Variants in SPEF2 observed in about 807,000 individuals in gnomAD.
SPEF2 encodes sperm flagella and cilia-associated protein 2.
In SPEF2, 187 loss-of-function variants were observed where a neutral mutation model predicts 224.6. The observed-to-expected ratio is 0.83, with a 90% CI of 0.74 to 0.94. The LOEUF (loss-of-function observed/expected upper bound fraction) is 0.94. SPEF2 is among the 40% of genes least tolerant of loss of function. SPEF2 has a pLI of 0.00. For missense variants in SPEF2, 2,170 were observed against 2,135.6 expected (o/e 1.02, Z -0.32); for synonymous variants, 715 against 707.3 (o/e 1.01, Z -0.17).
At chr5:35,683,201 C>T (rs1159216792) in intron 10 of SPEF2, among the ~76,000 whole-genome samples, 1 of 152,100 alleles carries the variant, frequency 6.6e-6, no homozygotes, top group Non-Finnish European at 1.5e-5. Flanking sequence ...TGCTTTGGAT[C>T]CAGGCTAGAC....
At chr5:35,666,378 G>C (rs1750461229) in intron 8 of SPEF2, among the ~76,000 whole-genome samples, 1 of 152,134 alleles carries the variant, frequency 6.6e-6, no homozygotes, top group Non-Finnish European at 1.5e-5. Flanking sequence ...CTTGTGTGAA[G>C]AAAAGATTCC....
intron 20 of SPEF2, among the ~76,000 whole-genome samples, chr5:35,720,289 C>G (rs1370564101): frequency 2.0e-5 from 3 of 152,132 alleles, no homozygotes; most frequent in Non-Finnish European, 2.9e-5. Flanking sequence ...TTCCTTGACT[C>G]TGAAAAACAA....
chr5:35,649,834 G>C (rs1433822274), intron 6 of SPEF2, among the ~76,000 whole-genome samples: 1 of 152,192 alleles, frequency 6.6e-6, no homozygotes, highest in Non-Finnish European at 1.5e-5. Context: ...AAGAAGTTGA[G>C]TGAATGAGTT....
chr5:35,670,024 C>G (rs765525729), intron 9 of SPEF2, 35 bp from the exon 10 acceptor site: 6 of 1,496,320 alleles, frequency 4.0e-6, no homozygotes, highest in East Asian at 2.3e-5. Context: ...TTTGACTAAC[C>G]ATTGATTCAT....
chr5:35,697,098 C>T (rs377571221), intron 14 of SPEF2, among the ~76,000 whole-genome samples: 20 of 152,284 alleles, frequency 1.3e-4, no homozygotes, highest in African/African-American at 4.6e-4. Context: ...TACCATTTGA[C>T]ATAAAATTCT....
chr5:35,682,258 A>T (rs946370550), intron 10 of SPEF2, among the ~76,000 whole-genome samples: 6 of 152,136 alleles, frequency 3.9e-5, no homozygotes, highest in African/African-American at 1.4e-4. Context: ...AATGTCTTGA[A>T]GTCAGTTTGT....
intron 20 of SPEF2, 56 bp downstream of exon 20, chr5:35,712,942 T>G (rs771555443): frequency 2.7e-6 from 4 of 1,472,678 alleles, no homozygotes; most frequent in Non-Finnish European, 3.7e-6. Flanking sequence ...TATAACTATC[T>G]CAGTGAAAAT....
intron 26 of SPEF2, 76 bp from the exon 27 acceptor site, chr5:35,771,533 A>T: frequency 6.6e-7 from 1 of 1,523,880 alleles, no homozygotes. Context: ...AACAGAATTT[A>T]GTAATGACTA....
chr5:35,722,398 G>T (rs571327900), intron 20 of SPEF2, among the ~76,000 whole-genome samples: 70 of 151,834 alleles, frequency 4.6e-4, no homozygotes, highest in African/African-American at 1.7e-3. Flanking sequence ...TTGGGGACTT[G>T]GTTTCCCCCA....
chr5:35,775,852 G>A (rs558786882), intron 28 of SPEF2, among the ~76,000 whole-genome samples: 28 of 152,216 alleles, frequency 1.8e-4, no homozygotes, highest in African/African-American at 6.5e-4. Context: ...TAGGCCCAGG[G>A]GCACATGGAG....
At chr5:35,646,925 C>A in intron 5 of SPEF2, 118 bp downstream of exon 5, 1 of 1,090,382 alleles carries the variant, frequency 9.2e-7, no homozygotes, top group Non-Finnish European at 1.3e-6. Context: ...TTATCTCTGA[C>A]CTTGTCCTTT....
chr5:35,811,767 CTTT>C (rs1203514196), intron 36 of SPEF2, among the ~76,000 whole-genome samples: 2 of 115,398 alleles, frequency 1.7e-5, no homozygotes, highest in Non-Finnish European at 1.7e-5. Context: ...TTTGCCATTA[CTTT>C]TTTTTTTTTT....
intron 4 of SPEF2, 71 bp downstream of exon 4, chr5:35,644,596 C>T: frequency 8.2e-7 from 1 of 1,214,938 alleles, no homozygotes; most frequent in Non-Finnish European, 1.1e-6. Flanking sequence ...GCGTATAGTA[C>T]ACATTGCATA....
At chr5:35,795,448 A>T (rs1756535480) in intron 32 of SPEF2, among the ~76,000 whole-genome samples, 1 of 152,232 alleles carries the variant, frequency 6.6e-6, no homozygotes, top group Non-Finnish European at 1.5e-5. Context: ...CTTATTTATA[A>T]ATTATATACA....
intron 24 of SPEF2, among the ~76,000 whole-genome samples, chr5:35,758,901 G>A (rs1393821975): frequency 1.3e-5 from 2 of 150,618 alleles, no homozygotes; most frequent in Non-Finnish European, 2.9e-5. Context: ...GGCTACTCAG[G>A]AGGCTGAGGC....
At position 35,779,100 on chromosome 5, in the gene SPEF2, C is replaced by T. The variant is rs1753979960; in HGVS notation, c.4218-17C>T. On this transcript the variant is annotated splice_polypyrimidine_tract_variant and intron_variant, in intron 29 of 36. Coordinates refer to ENST00000356031, the MANE Select transcript of SPEF2 (RefSeq NM_024867.4). ...TATCTTTCATGGGGTTAACGCTATC[C>T]ATTTTACCACTTTCAGTACAGAAAA... 6.3e-7 allele frequency: 1 copy of T among 1,588,242 alleles called. No individual in the cohort carries two copies. Among genetic ancestry groups the T allele is most frequent in the East Asian group, 2.2e-5 (1 of 44,752 alleles).
At chr5:35,716,936 C>T (rs1381939099) in intron 20 of SPEF2, among the ~76,000 whole-genome samples, 1 of 152,112 alleles carries the variant, frequency 6.6e-6, no homozygotes, top group Non-Finnish European at 1.5e-5. Flanking sequence ...TCAATCTCTA[C>T]CCTTCTCCCT....
chr5:35,780,565 C>T (rs917487133), intron 30 of SPEF2, among the ~76,000 whole-genome samples: 1 of 152,188 alleles, frequency 6.6e-6, no homozygotes, highest in Non-Finnish European at 1.5e-5. Flanking sequence ...CAAATCAGTC[C>T]ATGAAATTCC....
At chr5:35,653,193 G>C (rs1748445848) in intron 6 of SPEF2, among the ~76,000 whole-genome samples, 1 of 152,198 alleles carries the variant, frequency 6.6e-6, no homozygotes, top group African/African-American at 2.4e-5. Flanking sequence ...CTGTTGGGAA[G>C]ACCACTGGGT....
Sources: gnomAD v4.1 joint callset for allele counts (sites outside exome capture counted in the v4.1 genomes callset) on GRCh38, gnomAD v4.1.1 for gene constraint, MANE v1.5 for transcripts, NCBI Gene and HGNC (gene_info 2026-07-23, HGNC 2026-07-21) for gene names.